Variants in FBXL7 observed in about 807,000 individuals in gnomAD.
FBXL7 encodes the protein F-box/LRR-repeat protein 7.
In FBXL7, 12 loss-of-function variants were observed where a neutral mutation model predicts 38.3. That is an observed-to-expected ratio of 0.31 (90% confidence interval 0.20 to 0.51). The LOEUF (loss-of-function observed/expected upper bound fraction) is 0.51. Ranked by LOEUF, FBXL7 falls within the 20% of genes least tolerant of loss-of-function variation. FBXL7 has a pLI of 0.98. For synonymous variants in FBXL7, 297 were observed against 300.9 expected, an observed-to-expected ratio of 0.99 and a Z score of 0.13; for missense variants, 567 against 676.4, an observed-to-expected ratio of 0.84 and a Z score of 1.79.
At chr5:15,888,083 C>CAA (rs1234550037) in intron 2 of FBXL7, among the ~76,000 whole-genome samples, 1 of 152,108 alleles carries the variant, frequency 6.6e-6, no homozygotes, top group African/African-American at 2.4e-5. Flanking sequence ...GAGATAAGTG[C>CAA]TTTTATAGTA....
chr5:15,558,067 ATGG>A (rs1357282541), intron 1 of FBXL7, among the ~76,000 whole-genome samples: 4 of 152,208 alleles, frequency 2.6e-5, no homozygotes, highest in Non-Finnish European at 4.4e-5. Flanking sequence ...AATTTTGGAA[ATGG>A]TGGTGATCTT....
At chr5:15,658,731 A>C (rs996759855) in intron 2 of FBXL7, among the ~76,000 whole-genome samples, 4 of 152,116 alleles carry the variant, frequency 2.6e-5, no homozygotes, top group African/African-American at 7.2e-5. Context: ...TGCACCGGTA[A>C]TCAGAACGGA....
chr5:15,753,398 G>A (rs569073216), intron 2 of FBXL7, among the ~76,000 whole-genome samples: 5 of 152,272 alleles, frequency 3.3e-5, no homozygotes, highest in South Asian at 4.1e-4. Context: ...TTAGCAGAGC[G>A]GTTGATCATA....
At chr5:15,846,165 G>A (rs1738897395) in intron 2 of FBXL7, among the ~76,000 whole-genome samples, 1 of 152,158 alleles carries the variant, frequency 6.6e-6, no homozygotes, top group Admixed American at 6.5e-5. Context: ...GTATCACAAT[G>A]AATGAATCCT....
chr5:15,849,537 A>G (rs939204375), intron 2 of FBXL7, among the ~76,000 whole-genome samples: 1 of 152,162 alleles, frequency 6.6e-6, no homozygotes, highest in Non-Finnish European at 1.5e-5. Context: ...TATAAGGGGA[A>G]GTTTCCTTGG....
At chr5:15,931,912 T>C (rs1486176425) in intron 3 of FBXL7, among the ~76,000 whole-genome samples, 1 of 152,150 alleles carries the variant, frequency 6.6e-6, no homozygotes, top group Non-Finnish European at 1.5e-5. Flanking sequence ...TCACCCCCAG[T>C]GAGCTAAGGG....
chr5:15,633,927 C>A (rs1409083935), intron 2 of FBXL7, among the ~76,000 whole-genome samples: 1 of 151,508 alleles, frequency 6.6e-6, no homozygotes. Flanking sequence ...ATTACAGGTG[C>A]CTGCCACCAC....
chr5:15,509,162 C>T (rs1736727568), intron 1 of FBXL7, among the ~76,000 whole-genome samples: 1 of 152,192 alleles, frequency 6.6e-6, no homozygotes, highest in South Asian at 2.1e-4. Flanking sequence ...TCAGGGAGCG[C>T]TGAGGCACTT....
At chr5:15,846,225 A>G (rs1382166692) in intron 2 of FBXL7, among the ~76,000 whole-genome samples, 1 of 152,220 alleles carries the variant, frequency 6.6e-6, no homozygotes, top group Non-Finnish European at 1.5e-5. Flanking sequence ...TTCTTTCCAT[A>G]TCCATAGCTT....
chr5:15,919,499 A>T (rs1383808817), intron 2 of FBXL7, among the ~76,000 whole-genome samples: 1 of 152,226 alleles, frequency 6.6e-6, no homozygotes, highest in Non-Finnish European at 1.5e-5. Flanking sequence ...ATTTAAGAAT[A>T]AAAAACATAC....
At chr5:15,826,662 G>A (rs1052728358) in intron 2 of FBXL7, among the ~76,000 whole-genome samples, 1 of 151,990 alleles carries the variant, frequency 6.6e-6, no homozygotes, top group African/African-American at 2.4e-5. Flanking sequence ...CAAGTGATCT[G>A]CCCACCTCAG....
intron 2 of FBXL7, among the ~76,000 whole-genome samples, chr5:15,884,614 T>C (rs1342094796): frequency 6.6e-6 from 1 of 152,122 alleles, no homozygotes; most frequent in South Asian, 2.1e-4. Context: ...CAGTTCATAA[T>C]AGAGGGAAAA....
chr5:15,870,617 A>G (rs1739913642), intron 2 of FBXL7, among the ~76,000 whole-genome samples: 1 of 152,158 alleles, frequency 6.6e-6, no homozygotes, highest in African/African-American at 2.4e-5. Flanking sequence ...ATTGACTATA[A>G]ATTAGTTTTT....
At chr5:15,557,704 G>A (rs1738288676) in intron 1 of FBXL7, among the ~76,000 whole-genome samples, 1 of 152,176 alleles carries the variant, frequency 6.6e-6, no homozygotes, top group Non-Finnish European at 1.5e-5. Context: ...TTTCAGCCTA[G>A]TGGAGCAGGC....
At position 15,742,428 on chromosome 5, in the gene FBXL7, T is replaced by A. The variant is rs376396428; in HGVS notation, c.127+126356T>A. Among the ~76,000 whole-genome samples, 17 of 152,290 alleles carry A rather than the reference T, an allele frequency of 1.1e-4. No homozygotes were observed. The East Asian group carries it at 3.1e-3, about 28-fold the overall frequency. ...TTTGGAAAGGCAGCTGAAGAACGAA[T>A]CTTATGTCCACTTCGCTGATGGCTA... On this transcript the variant is annotated intron_variant, in intron 2 of 3. Coordinates refer to ENST00000504595, the MANE Select transcript of FBXL7 (RefSeq NM_012304.5).
chr5:15,689,846 A>T (rs1743129965), intron 2 of FBXL7, among the ~76,000 whole-genome samples: 2 of 152,230 alleles, frequency 1.3e-5, no homozygotes, highest in South Asian at 4.1e-4. Context: ...TGTCCAAACC[A>T]GGGATTCTCA....
chr5:15,696,732 A>T (rs1481699025), intron 2 of FBXL7, among the ~76,000 whole-genome samples: 1 of 152,228 alleles, frequency 6.6e-6, no homozygotes, highest in African/African-American at 2.4e-5. Context: ...GCTGATTTTC[A>T]TCAGGACAAG....
chr5:15,699,463 T>A, intron 2 of FBXL7, among the ~76,000 whole-genome samples: 1 of 152,146 alleles, frequency 6.6e-6, no homozygotes, highest in African/African-American at 2.4e-5. Context: ...GCTCCACTCC[T>A]CTTTCTATGA....
At chr5:15,646,489 T>G (rs1741537197) in intron 2 of FBXL7, among the ~76,000 whole-genome samples, 1 of 152,216 alleles carries the variant, frequency 6.6e-6, no homozygotes, top group Non-Finnish European at 1.5e-5. Flanking sequence ...GCTTGAAAAC[T>G]GTCTCACATA....
Sources: gnomAD v4.1 joint callset for allele counts (sites outside exome capture counted in the v4.1 genomes callset) on GRCh38, gnomAD v4.1.1 for gene constraint, MANE v1.5 for transcripts, NCBI Gene and HGNC (gene_info 2026-07-23, HGNC 2026-07-21) for gene names.